Variants in ABCA12 observed in about 807,000 individuals in gnomAD.
ABCA12 encodes glucosylceramide transporter ABCA12.
A neutral mutation model predicts 293.5 loss-of-function variants in ABCA12; 156 were observed. The ratio of observed to expected loss-of-function variants is 0.53; its 90% CI spans 0.47 to 0.61. The LOEUF (loss-of-function observed/expected upper bound fraction) is 0.61. Ranked by LOEUF, ABCA12 falls within the 20% of genes least tolerant of loss-of-function variation. The pLI is 0.00. For missense variants in ABCA12, 2,797 were observed against 3,090.2 expected (o/e 0.91, Z 2.25); for synonymous variants, 1,063 against 1,108.0 (o/e 0.96, Z 0.81).
chr2:215,137,866 C>A (rs1046147040), intron 1 of ABCA12, among the ~76,000 whole-genome samples: 6 of 152,218 alleles, frequency 3.9e-5, no homozygotes, highest in Middle Eastern at 3.4e-3. Context: ...CGTTCCAGTT[C>A]AGCCAGTAAT....
chr2:214,935,173 G>A (rs990177999), intron 51 of ABCA12, among the ~76,000 whole-genome samples: 2 of 152,016 alleles, frequency 1.3e-5, no homozygotes, highest in Non-Finnish European at 2.9e-5. Flanking sequence ...ACTGCAATTG[G>A]GCCATCTTGC....
intron 22 of ABCA12, chr2:214,999,969 T>C (rs190439911): frequency 2.1e-5 from 5 of 235,748 alleles, no homozygotes; most frequent in Admixed American, 1.3e-4. Context: ...TCAATTCCTT[T>C]AAAGTAATAT....
chr2:215,016,596 A>AAAAAAAAG, intron 14 of ABCA12, among the ~76,000 whole-genome samples: 1 of 140,582 alleles, frequency 7.1e-6, no homozygotes, highest in South Asian at 2.2e-4. Context: ...AAAAAAAAAA[A>AAAAAAAAG]AAAAAAAAAA....
At chr2:215,042,713 ATCT>A (rs1477548496) in intron 7 of ABCA12, among the ~76,000 whole-genome samples, 1 of 152,132 alleles carries the variant, frequency 6.6e-6, no homozygotes, top group Non-Finnish European at 1.5e-5. Flanking sequence ...GACATCTGAA[ATCT>A]TCTTTTACCG....
chr2:215,054,464 C>T (rs1701381504), intron 4 of ABCA12, 109 bp downstream of exon 4: 6 of 973,914 alleles, frequency 6.2e-6, no homozygotes, highest in African/African-American at 1.6e-5. Context: ...CAGGGCTATT[C>T]TAAGCATTCC....
intron 7 of ABCA12, 134 bp downstream of exon 7, chr2:215,045,703 T>C (rs1462165620): frequency 2.5e-6 from 2 of 807,140 alleles, no homozygotes; most frequent in Non-Finnish European, 3.9e-6. Context: ...ACTGCTAAAA[T>C]CTGCAATAAG....
At chr2:214,974,102 T>TGCTC in intron 35 of ABCA12, 60 bp from the exon 36 acceptor site, 1 of 1,409,154 alleles carries the variant, frequency 7.1e-7, no homozygotes, top group Non-Finnish European at 1.0e-6. Flanking sequence ...CATGTTTACA[T>TGCTC]ATGAGCATGT....
In ABCA12 at chr2:214,986,659, T is replaced by A; in HGVS notation, c.4046A>T (p.His1349Leu). The change falls in exon 28 of 53, where the codon CAT becomes CTT. Residue 1349 changes from histidine to leucine, a missense_variant. Around this residue, in one of 3 missense-constraint regions of ABCA12, gnomAD observed 2,130 missense variants for 2,427.0 expected, o/e 0.88. Coordinates refer to ENST00000272895, the MANE Select transcript of ABCA12 (RefSeq NM_173076.3). Reference protein sequence around the residue: ...PKDLTVGVALHGVTKIYGSKV... With the variant: ...PKDLTVGVALLGVTKIYGSKV... ...TGAGCCATAGATCTTTGTGACCCCA[T>A]GCAGGGCAACCCCGACTGTGAGATC... The A allele has an allele frequency of 6.2e-7, 1 of 1,614,130 alleles. No individual in the cohort carries two copies. The highest frequency in any genetic ancestry group is 8.5e-7 in the Non-Finnish European group (1 of 1,179,988).
At chr2:214,970,573 C>CA (rs1182185697) in intron 36 of ABCA12, among the ~76,000 whole-genome samples, 173 bp from the exon 37 acceptor site, 2 of 151,896 alleles carry the variant, frequency 1.3e-5, no homozygotes, top group East Asian at 3.8e-4. Flanking sequence ...TCACCTACAC[C>CA]AAGAAATTAG....
At chr2:215,031,968 C>T in intron 8 of ABCA12, 72 bp from the exon 9 acceptor site, 1 of 1,603,830 alleles carries the variant, frequency 6.2e-7, no homozygotes, top group East Asian at 2.2e-5. Context: ...CAGTGAAAAC[C>T]ATCCCAGGTC....
chr2:215,010,212 G>A lies in ABCA12; in HGVS notation c.2472+119C>T, dbSNP rs1700341033. The A allele has an allele frequency of 1.0e-5, 13 of 1,281,080 alleles. No individual in the cohort carries two copies. The African/African-American group carries it at 1.8e-4, about 18-fold the overall frequency. The allele number at this position is 1,281,080 out of a possible 1,614,324, so 79.4% of individuals were successfully genotyped here. A position where few individuals can be genotyped will look rare whatever the true frequency, so the allele number is the denominator to read the frequency against. ...TTACTAATAGTTTCAGAAAGCCAAG[G>A]ATAATAATAATAGTAGGTAAGATAG... On this transcript the variant is annotated intron_variant, in intron 18 of 52. Coordinates refer to ENST00000272895, the MANE Select transcript of ABCA12 (RefSeq NM_173076.3).
At chr2:215,011,943 C>G (rs1700385945) in intron 16 of ABCA12, 28 bp downstream of exon 16, 2 of 1,595,706 alleles carry the variant, frequency 1.3e-6, no homozygotes, top group Non-Finnish European at 1.7e-6. Context: ...CATTTTTCAA[C>G]AAGAACATTA....
chr2:215,019,233 A>G (rs1700570442), intron 13 of ABCA12, 103 bp downstream of exon 13: 1 of 1,020,876 alleles, frequency 9.8e-7, no homozygotes, highest in South Asian at 1.3e-5. Context: ...GCAGATAGCA[A>G]AGCGAGTTTG....
intron 28 of ABCA12, 52 bp downstream of exon 28, chr2:214,986,490 G>C: frequency 1.9e-6 from 3 of 1,541,816 alleles, no homozygotes; most frequent in African/African-American, 1.4e-5. Context: ...TTTTACACCT[G>C]TATTTTTTGT....
chr2:214,972,604 C>T (rs1170762906), intron 36 of ABCA12, among the ~76,000 whole-genome samples: 1 of 151,982 alleles, frequency 6.6e-6, no homozygotes, highest in Non-Finnish European at 1.5e-5. Flanking sequence ...GATGAGGTCT[C>T]ACTGTGTTGC....
rs61619476 is a variant in ABCA12 at position 214,950,384 on chromosome 2, CTGTGTGTGTGTG to C, written c.6852+483_6852+494del. ...TATATATGTGTGTGTATATATATAT[CTGTGTGTGTGTG>C]TGTGTGTGTGTGTGTGTGTGTGTGT... On this transcript the variant is annotated intron_variant, in intron 45 of 52. Coordinates refer to ENST00000272895, the MANE Select transcript of ABCA12 (RefSeq NM_173076.3). Among the ~76,000 whole-genome samples the C allele has an allele frequency of 8.3e-3, 970 of 116,628 alleles. 9 individuals are homozygous for C. Among genetic ancestry groups the C allele is most frequent in the Middle Eastern group, 0.023 (5 of 214 alleles). 76.5% of individuals were successfully genotyped at this position (116,628 alleles called of 152,430 possible). A position where few individuals can be genotyped will look rare whatever the true frequency, so the allele number is the denominator to read the frequency against.
At chr2:215,067,464 G>C (rs371692475) in intron 2 of ABCA12, among the ~76,000 whole-genome samples, 3 of 152,062 alleles carry the variant, frequency 2.0e-5, no homozygotes, top group African/African-American at 7.2e-5. Context: ...TCTCAGGCAG[G>C]GTTTTGAGAT....
In ABCA12 at chr2:215,007,583, T is replaced by C. The variant is rs1700281387; in HGVS notation, c.2592+144A>G. The C allele has an allele frequency of 2.9e-6, 3 of 1,045,158 alleles. No individual in the cohort carries two copies. In the African/African-American group the frequency reaches 4.8e-5, roughly 17 times the overall value. 64.7% of individuals were successfully genotyped at this position (1,045,158 alleles called of 1,614,324 possible). A position where few individuals can be genotyped will look rare whatever the true frequency, so the allele number is the denominator to read the frequency against. ...AATATGAGTGATAGATCAGTTACCC[T>C]GTCTCAGACCTTCTCTCTGGAAGAG... On this transcript the variant is annotated intron_variant, in intron 19 of 52. Transcript: ENST00000272895.
chr2:215,129,791 T>A (rs1325672195), intron 1 of ABCA12, among the ~76,000 whole-genome samples: 3 of 152,218 alleles, frequency 2.0e-5, no homozygotes, highest in Non-Finnish European at 4.4e-5. Context: ...GTCTTCATTA[T>A]AAATCCTTTG....
Sources: gnomAD v4.1 joint callset for allele counts (sites outside exome capture counted in the v4.1 genomes callset) on GRCh38, gnomAD v4.1.1 for gene constraint, gnomAD v4.1.1 regional missense constraint, MANE v1.5 for transcripts, NCBI Gene and HGNC (gene_info 2026-07-23, HGNC 2026-07-21) for gene names.